The following NDUFAF2 variants were observed in gnomAD, a reference collection of about 807,000 sequenced individuals.
NDUFAF2 encodes NADH:ubiquinone oxidoreductase complex assembly factor 2, also known as NADH dehydrogenase [ubiquinone] 1 alpha subcomplex assembly factor 2.
In NDUFAF2, 13 loss-of-function variants were observed where a neutral mutation model predicts 22.8. That is an observed-to-expected ratio of 0.57 (90% confidence interval 0.37 to 0.91). NDUFAF2 has a LOEUF of 0.91. Ranked by LOEUF, NDUFAF2 falls within the 40% of genes least tolerant of loss-of-function variation. NDUFAF2 has a pLI of 0.01. For synonymous variants in NDUFAF2, 53 were observed against 64.2 expected (o/e 0.83, Z 0.84); for missense variants, 162 against 195.2 (o/e 0.83, Z 1.01).
At chr5:60,965,815 A>G (rs1750751755) in intron 1 of NDUFAF2, among the ~76,000 whole-genome samples, 2 of 152,192 alleles carry the variant, frequency 1.3e-5, no homozygotes, top group African/African-American at 4.8e-5. Flanking sequence ...TCTAAATAAT[A>G]TTACAGTGAA....
chr5:61,149,659 T>C (rs1386791372), intron 3 of NDUFAF2, among the ~76,000 whole-genome samples: 2 of 152,210 alleles, frequency 1.3e-5, no homozygotes, highest in South Asian at 2.1e-4. Flanking sequence ...TATTTGTTTT[T>C]AAAATACAAA....
intron 3 of NDUFAF2, among the ~76,000 whole-genome samples, chr5:61,108,035 A>AT (rs1235180924): frequency 2.7e-5 from 4 of 150,666 alleles, no homozygotes; most frequent in Non-Finnish European, 4.4e-5. Flanking sequence ...TGAACTCATC[A>AT]TTTTTTATGG....
chr5:60,950,038 T>C (rs889093306), intron 1 of NDUFAF2, among the ~76,000 whole-genome samples: 96 of 152,230 alleles, frequency 6.3e-4, no homozygotes, highest in African/African-American at 2.2e-3. Context: ...GAGACAGTTT[T>C]GTTTTTATCC....
chr5:60,962,459 TATATTA>T (rs1329987615), intron 1 of NDUFAF2, among the ~76,000 whole-genome samples: 3 of 152,210 alleles, frequency 2.0e-5, no homozygotes, highest in Non-Finnish European at 2.9e-5. Flanking sequence ...CTCATGAAGC[TATATTA>T]TTTTCATAGA....
At chr5:60,951,397 A>C (rs937343589) in intron 1 of NDUFAF2, among the ~76,000 whole-genome samples, 1 of 152,190 alleles carries the variant, frequency 6.6e-6, no homozygotes, top group South Asian at 2.1e-4. Flanking sequence ...ATTCGTTTGC[A>C]TATTGAAGGA....
intron 3 of NDUFAF2, among the ~76,000 whole-genome samples, chr5:61,136,937 A>G (rs1740970825): frequency 1.3e-5 from 2 of 152,212 alleles, no homozygotes. Context: ...TCAGACCAAG[A>G]ACTGCAGAAG....
intron 2 of NDUFAF2, among the ~76,000 whole-genome samples, chr5:61,091,279 T>C (rs986683930): frequency 3.9e-5 from 6 of 152,190 alleles, no homozygotes; most frequent in African/African-American, 1.4e-4. Flanking sequence ...TCTACAATGG[T>C]TGAACCAATT....
intron 1 of NDUFAF2, among the ~76,000 whole-genome samples, chr5:61,051,550 C>T (rs1187853893): frequency 6.6e-6 from 1 of 152,140 alleles, no homozygotes; most frequent in Non-Finnish European, 1.5e-5. Context: ...GTGTGAACAA[C>T]TTGAGCCTTC....
At chr5:61,008,681 A>G (rs1751404782) in intron 1 of NDUFAF2, among the ~76,000 whole-genome samples, 1 of 152,030 alleles carries the variant, frequency 6.6e-6, no homozygotes, top group South Asian at 2.1e-4. Context: ...ACTTTCATCA[A>G]CCATTTGTGG....
At chr5:60,987,429 A>G (rs1751097343) in intron 1 of NDUFAF2, among the ~76,000 whole-genome samples, 1 of 152,218 alleles carries the variant, frequency 6.6e-6, no homozygotes, top group Admixed American at 6.5e-5. Flanking sequence ...TCATTCTATG[A>G]AACCAGTGTT....
chr5:60,973,067 A>G (rs1750857068), intron 1 of NDUFAF2, among the ~76,000 whole-genome samples: 1 of 152,086 alleles, frequency 6.6e-6, no homozygotes, highest in Non-Finnish European at 1.5e-5. Context: ...TATATTTAAT[A>G]CATAGTATAT....
intron 1 of NDUFAF2, among the ~76,000 whole-genome samples, chr5:60,986,491 G>T (rs1032580748): frequency 2.0e-5 from 3 of 152,078 alleles, no homozygotes; most frequent in Non-Finnish European, 4.4e-5. Context: ...GAAATTTCTG[G>T]CACTATACAC....
chr5:60,980,793 C>T (rs1264289504), intron 1 of NDUFAF2, among the ~76,000 whole-genome samples: 2 of 151,920 alleles, frequency 1.3e-5, no homozygotes, highest in Non-Finnish European at 2.9e-5. Context: ...GCAGTTGACA[C>T]ACTGAACAAT....
At chr5:60,999,364 C>CA (rs1395635870) in intron 1 of NDUFAF2, among the ~76,000 whole-genome samples, 6 of 152,004 alleles carry the variant, frequency 3.9e-5, no homozygotes, top group Non-Finnish European at 8.8e-5. Flanking sequence ...TATATACATA[C>CA]AATGGAACAT....
intron 3 of NDUFAF2, among the ~76,000 whole-genome samples, chr5:61,127,230 C>A (rs915422751): frequency 4.6e-5 from 7 of 152,146 alleles, no homozygotes; most frequent in Admixed American, 4.6e-4. Context: ...GGTACCATTC[C>A]TTCTGAAACT....
At chr5:61,017,325 T>C (rs542467634) in intron 1 of NDUFAF2, among the ~76,000 whole-genome samples, 1 of 152,186 alleles carries the variant, frequency 6.6e-6, no homozygotes, top group Admixed American at 6.5e-5. Flanking sequence ...TAAAAATCTT[T>C]GTAGAAGCTT....
At chr5:61,034,338 A>G (rs158697) in intron 1 of NDUFAF2, among the ~76,000 whole-genome samples, 129,278 of 151,714 alleles carry the variant, frequency 0.85, 55,494 homozygotes, top group East Asian at 0.95. Context: ...TTGTCAGATT[A>G]TATTTCCACA....
At chr5:60,952,532 A>G (rs1477234581) in intron 1 of NDUFAF2, among the ~76,000 whole-genome samples, 1 of 152,060 alleles carries the variant, frequency 6.6e-6, no homozygotes, top group African/African-American at 2.4e-5. Flanking sequence ...TAATTCTATT[A>G]TATTCAGAGA....
intron 1 of NDUFAF2, among the ~76,000 whole-genome samples, chr5:60,977,358 G>A (rs1750916129): frequency 6.6e-6 from 1 of 151,822 alleles, no homozygotes; most frequent in South Asian, 2.1e-4. Context: ...GAGCCCAGGA[G>A]TTCGAGATTA....
Sources: gnomAD v4.1 joint callset for allele counts (sites outside exome capture counted in the v4.1 genomes callset) on GRCh38, gnomAD v4.1.1 for gene constraint, MANE v1.5 for transcripts, NCBI Gene and HGNC (gene_info 2026-07-23, HGNC 2026-07-21) for gene names.